CHAC2: variants seen among roughly 807,000 people sequenced by gnomAD.
The protein encoded by CHAC2 is glutathione-specific gamma-glutamylcyclotransferase 2.
Under a neutral mutation model 16.9 loss-of-function variants are expected in CHAC2, and 20 were observed. The observed-to-expected ratio is 1.18, with a 90% CI of 0.83 to 1.72. The LOEUF (loss-of-function observed/expected upper bound fraction) is 1.72. Among genes scored for constraint, CHAC2 ranks in the 40% most tolerant of loss-of-function variants. CHAC2 has a pLI of 0.00. For synonymous variants in CHAC2, 91 were observed against 77.3 expected, an observed-to-expected ratio of 1.18 and a Z score of -0.93; for missense variants, 269 against 222.2, an observed-to-expected ratio of 1.21 and a Z score of -1.34.
At chr2:53,768,869 T>C (rs887121732) in intron 1 of CHAC2, among the ~76,000 whole-genome samples, 9 of 152,134 alleles carry the variant, frequency 5.9e-5, no homozygotes, top group African/African-American at 2.2e-4. Flanking sequence ...AAAACTAAGA[T>C]TGAGGTAACT....
chr2:53,774,236 C>G lies in CHAC2; in HGVS notation c.266C>G (p.Thr89Ser), dbSNP rs759809478. The part of the protein sequence containing the change: ...LDFREKGGYR[T>S]TTVIFYPKDP... ...TTCAGAGAAAAAGGAGGCTACAGAA[C>G]CACAACAGTCATTTTTTATCCAAAA... The change falls in exon 3 of 3, where the codon ACC (threonine) becomes AGC (serine). Residue 89 changes from threonine to serine, a missense_variant. Physicochemically the swap from Thr to Ser is moderately conservative, Grantham distance 58. Transcript: ENST00000295304. 14 of 1,613,974 alleles carry G rather than the reference C, an allele frequency of 8.7e-6. No individual in the cohort carries two copies. Among genetic ancestry groups the G allele is most frequent in the Non-Finnish European group, 8.5e-7 (1 of 1,180,016 alleles).
chr2:53,770,498 TAAA>T (rs76201682), intron 1 of CHAC2, among the ~76,000 whole-genome samples: 21,814 of 110,410 alleles, frequency 0.2, 1,785 homozygotes, highest in South Asian at 0.24. Flanking sequence ...GAAGTTTATT[TAAA>T]AAAAAAAAAA....
chr2:53,773,680 C>T (rs1388206239), intron 2 of CHAC2, among the ~76,000 whole-genome samples: 4 of 151,898 alleles, frequency 2.6e-5, no homozygotes, highest in South Asian at 4.2e-4. Context: ...CCACTCACCT[C>T]GGCCTCCCAA....
In CHAC2 at chr2:53,774,416, C is replaced by A; in HGVS notation, c.446C>A (p.Ala149Glu). ...GRNTEYLFEL[A>E]NSIRNLVPEE... is the part of the protein sequence containing the mutation. ...AATACAGAATATCTTTTTGAACTTG[C>A]AAATTCTATTAGGAACCTTGTGCCA... Residue 149 changes from alanine to glutamate, a missense_variant, in exon 3 of 3, where the codon GCA (alanine) becomes GAA (glutamate). Coordinates refer to ENST00000295304, the MANE Select transcript of CHAC2 (RefSeq NM_001008708.4). 1 of 1,612,470 alleles carries A rather than the reference C, an allele frequency of 6.2e-7. No individual in the cohort carries two copies. Among genetic ancestry groups the A allele is most frequent in the Non-Finnish European group, 8.5e-7 (1 of 1,179,712 alleles).
chr2:53,769,192 C>G (rs1395302191), intron 1 of CHAC2, among the ~76,000 whole-genome samples: 5 of 152,330 alleles, frequency 3.3e-5, no homozygotes, highest in African/African-American at 1.2e-4. Context: ...CATTAAAGAA[C>G]TAAGCTAAAT....
intron 1 of CHAC2, among the ~76,000 whole-genome samples, chr2:53,771,166 A>G (rs1211122231): frequency 6.6e-6 from 1 of 152,210 alleles, no homozygotes; most frequent in Non-Finnish European, 1.5e-5. Flanking sequence ...CTAAATTTGA[A>G]AGTCACTTCC....
chr2:53,768,780 T>C lies in CHAC2; in HGVS notation c.135+759T>C, dbSNP rs573578653. Among the ~76,000 whole-genome samples the C allele has an allele frequency of 3.3e-5, 5 of 152,316 alleles. No individual in the cohort carries two copies. In the South Asian group the frequency reaches 8.3e-4, roughly 25 times the overall value. On this transcript the variant is annotated intron_variant, in intron 1 of 2. Coordinates refer to ENST00000295304, the MANE Select transcript of CHAC2 (RefSeq NM_001008708.4). ...TCCTACAAAGACATTAATCTCAATA[T>C]ATGTATAGAGAATTAGCAGCAGCTC...
At chr2:53,769,327 T>C (rs1673725121) in intron 1 of CHAC2, among the ~76,000 whole-genome samples, 1 of 152,222 alleles carries the variant, frequency 6.6e-6, no homozygotes, top group Non-Finnish European at 1.5e-5. Flanking sequence ...TCAGTTTTGA[T>C]ATGAATATTT....
In CHAC2 at chr2:53,768,036, A is replaced by G; in HGVS notation, c.135+15A>G. On this transcript the variant is annotated intron_variant, in intron 1 of 2. Transcript: ENST00000295304. ...TCCCCGGCAAGGTGAGGCGCCGGTC[A>G]GCTCCCCACACTTACTGCCCCCTGA... is the stretch of plus-strand genomic sequence containing the variant. The G allele has an allele frequency of 1.9e-6, 3 of 1,611,944 alleles. No homozygotes were observed. The highest frequency in any genetic ancestry group is 2.2e-5 in the South Asian group (2 of 90,980).
intron 2 of CHAC2, among the ~76,000 whole-genome samples, chr2:53,772,145 C>T (rs1673965943): frequency 6.6e-6 from 1 of 151,936 alleles, no homozygotes; most frequent in Non-Finnish European, 1.5e-5. Flanking sequence ...AGGTAGACAA[C>T]AACGTACAGA....
intron 1 of CHAC2, among the ~76,000 whole-genome samples, chr2:53,769,089 G>A (rs1460854073): frequency 6.6e-6 from 1 of 152,224 alleles, no homozygotes; most frequent in African/African-American, 2.4e-5. Context: ...GACCTGAAAA[G>A]GGGCAATGGC....
chr2:53,774,582 TTTAC>T lies in CHAC2; in HGVS notation c.*61_*64del. 3 of 1,278,928 alleles carry T rather than the reference TTTAC, an allele frequency of 2.3e-6. No homozygotes were observed. Among genetic ancestry groups the T allele is most frequent in the Admixed American group, 5.3e-5 (2 of 37,900 alleles). The allele number at this position is 1,278,928 out of a possible 1,614,324, so 79.2% of individuals were successfully genotyped here. On this transcript the variant is annotated 3_prime_UTR_variant, in exon 3 of 3. Transcript: ENST00000295304. ...AATGACAATATGATTTGGAAATACG[TTTAC>T]TTAAAGATCTTATTTTTAATGTAGT...
rs374101362 is a variant in CHAC2 at position 53,774,183 on chromosome 2, GGAA to G, written c.221_223del (p.Glu74del). On this transcript the variant is annotated inframe_deletion, in exon 3 of 3. Coordinates refer to ENST00000295304, the MANE Select transcript of CHAC2 (RefSeq NM_001008708.4). ...TTGCTTACAGATTGCCAGTAGGAAA[GGAA>G]GAAGAAGTAAAAGCATACCTTGACT... The G allele has an allele frequency of 4.8e-5, 78 of 1,612,666 alleles. No homozygotes were observed. Among genetic ancestry groups the G allele is most frequent in the African/African-American group, 2.5e-4 (19 of 74,906 alleles).
intron 1 of CHAC2, among the ~76,000 whole-genome samples, chr2:53,769,515 T>C (rs781209114): frequency 2.2e-4 from 34 of 152,128 alleles, no homozygotes; most frequent in Non-Finnish European, 4.1e-4. Context: ...TGATTAGAAA[T>C]TGCCTAGTCA....
At chr2:53,768,926 TA>T (rs1388663012) in intron 1 of CHAC2, among the ~76,000 whole-genome samples, 1 of 152,216 alleles carries the variant, frequency 6.6e-6, no homozygotes, top group African/African-American at 2.4e-5. Context: ...ATCAAGGCGC[TA>T]AAGTAGTTTG....
rs989622658 is a variant in CHAC2, at chr2:53,774,672, T to C, written c.*147T>C. 8 of 599,234 alleles carry C rather than the reference T, an allele frequency of 1.3e-5. No homozygotes were observed. The African/African-American group carries it at 1.3e-4, about 10-fold the overall frequency. 37.1% of individuals were successfully genotyped at this position (599,234 alleles called of 1,614,324 possible). The stretch of plus-strand genomic sequence containing the variant: ...TGTCCTGAAACACATATTTAAAATA[T>C]TGGGATACAGTGAAAGAAAAATTCA... On this transcript the variant is annotated 3_prime_UTR_variant, in exon 3 of 3. Coordinates refer to ENST00000295304, the MANE Select transcript of CHAC2 (RefSeq NM_001008708.4).
chr2:53,772,008 A>C, intron 2 of CHAC2, 66 bp downstream of exon 2: 2 of 898,726 alleles, frequency 2.2e-6, no homozygotes, highest in Non-Finnish European at 3.5e-6. Context: ...TTTCTGTTTC[A>C]ATTTGATTAA....
chr2:53,769,269 G>A (rs1673720657), intron 1 of CHAC2, among the ~76,000 whole-genome samples: 1 of 152,302 alleles, frequency 6.6e-6, no homozygotes, highest in South Asian at 2.1e-4. Flanking sequence ...CCAACACTTC[G>A]GAAGTTTGAG....
intron 1 of CHAC2, among the ~76,000 whole-genome samples, chr2:53,771,341 C>T (rs887239914): frequency 6.6e-6 from 1 of 151,920 alleles, no homozygotes; most frequent in South Asian, 2.1e-4. Flanking sequence ...ATGGTAAACC[C>T]GTCTCTACTA....
Sources: gnomAD v4.1 joint callset for allele counts (sites outside exome capture counted in the v4.1 genomes callset) on GRCh38, gnomAD v4.1.1 for gene constraint, MANE v1.5 for transcripts, NCBI Gene and HGNC (gene_info 2026-07-23, HGNC 2026-07-21) for gene names.